TFDP2: variants seen among roughly 807,000 people sequenced by gnomAD.
TFDP2 encodes the protein transcription factor Dp-2 (E2F dimerization partner 2).
TFDP2 carries 17 observed loss-of-function variants against 59.3 expected under a neutral mutation model. The observed-to-expected ratio is 0.29, with a 90% confidence interval of 0.20 to 0.43. The LOEUF (loss-of-function observed/expected upper bound fraction) is 0.43. TFDP2 is among the 20% of genes least tolerant of loss of function. The pLI, the probability that TFDP2 is intolerant of heterozygous loss-of-function variation, is 1.00. For synonymous variants in TFDP2, 180 were observed against 194.7 expected, an observed-to-expected ratio of 0.92 and a Z score of 0.63; for missense variants, 391 against 528.8, an observed-to-expected ratio of 0.74 and a Z score of 2.56.
intron 9 of TFDP2, among the ~76,000 whole-genome samples, chr3:141,968,424 T>TATATATAA (rs1559937363): frequency 0.087 from 7,384 of 84,708 alleles, 784 homozygotes; most frequent in East Asian, 0.13. Flanking sequence ...CATATATATC[T>TATATATAA]CATATATAGA....
intron 3 of TFDP2, among the ~76,000 whole-genome samples, chr3:142,013,148 A>G (rs534540433): frequency 3.2e-4 from 48 of 152,288 alleles, no homozygotes; most frequent in African/African-American, 1.2e-3. Flanking sequence ...AAAAATAAAT[A>G]AATAAATAAA....
chr3:141,967,644 A>G (rs1035602757), intron 9 of TFDP2, among the ~76,000 whole-genome samples: 3 of 152,102 alleles, frequency 2.0e-5, no homozygotes, highest in African/African-American at 7.2e-5. Flanking sequence ...GATTTCAGTT[A>G]TACTTTGGGT....
intron 1 of TFDP2, among the ~76,000 whole-genome samples, chr3:142,138,730 G>C (rs137999905): frequency 0.083 from 12,657 of 152,288 alleles, 657 homozygotes; most frequent in Middle Eastern, 0.14. Context: ...TGTGGTCTGA[G>C]AGACAATTTG....
intron 3 of TFDP2, among the ~76,000 whole-genome samples, chr3:142,071,788 T>C (rs2060257756): frequency 6.6e-6 from 1 of 152,084 alleles, no homozygotes; most frequent in Non-Finnish European, 1.5e-5. Context: ...CTGGCTGGGA[T>C]AAAGGGCAGG....
At chr3:142,115,593 CAGGCGTG>C in intron 1 of TFDP2, among the ~76,000 whole-genome samples, 1 of 152,212 alleles carries the variant, frequency 6.6e-6, no homozygotes, top group South Asian at 2.1e-4. Flanking sequence ...ACTGGGATTA[CAGGCGTG>C]AGCCACCGCG....
At chr3:141,984,173 T>C (rs12488739) in intron 6 of TFDP2, among the ~76,000 whole-genome samples, 11,329 of 152,266 alleles carry the variant, frequency 0.074, 526 homozygotes, top group Non-Finnish European at 0.11. Context: ...ACAGATGAAC[T>C]GTGAAGACAT....
At chr3:141,963,159 C>T (rs1937545784) in intron 10 of TFDP2, among the ~76,000 whole-genome samples, 2 of 152,124 alleles carry the variant, frequency 1.3e-5, no homozygotes, top group Non-Finnish European at 2.9e-5. Context: ...GTACTGGTCA[C>T]AGCCTGAAGA....
At chr3:141,957,553 G>A (rs1024563858) in intron 11 of TFDP2, among the ~76,000 whole-genome samples, 3 of 151,998 alleles carry the variant, frequency 2.0e-5, no homozygotes, top group Middle Eastern at 3.2e-3. Flanking sequence ...GCCAAAAAGT[G>A]GAAACAGTCC....
At chr3:141,953,648 A>T (rs1433312163) in intron 11 of TFDP2, among the ~76,000 whole-genome samples, 2 of 151,674 alleles carry the variant, frequency 1.3e-5, no homozygotes, top group Non-Finnish European at 2.9e-5. Context: ...TATTATTATT[A>T]TACTTTAAGT....
intron 3 of TFDP2, among the ~76,000 whole-genome samples, chr3:142,092,578 C>T (rs1330751593): frequency 6.6e-6 from 1 of 152,138 alleles, no homozygotes; most frequent in East Asian, 1.9e-4. Flanking sequence ...CTCGGCCTCC[C>T]AAAGTGCTGG....
intron 3 of TFDP2, among the ~76,000 whole-genome samples, chr3:142,009,330 G>A (rs1268881282): frequency 6.6e-6 from 1 of 152,062 alleles, no homozygotes; most frequent in Non-Finnish European, 1.5e-5. Context: ...TAAACAGCAG[G>A]TCCTTTGTTT....
At chr3:142,008,992 G>A (rs914635968) in intron 3 of TFDP2, among the ~76,000 whole-genome samples, 2 of 152,156 alleles carry the variant, frequency 1.3e-5, no homozygotes, top group African/African-American at 4.8e-5. Flanking sequence ...CAAAGCCTCT[G>A]CTCTATGCAT....
chr3:141,975,769 T>C (rs372198700), intron 7 of TFDP2, among the ~76,000 whole-genome samples: 95 of 151,256 alleles, frequency 6.3e-4, no homozygotes, highest in African/African-American at 2.2e-3. Flanking sequence ...GAGGAGGCAA[T>C]GTGATAGGTA....
rs375449743 is a variant in TFDP2 at position 142,110,376 on chromosome 3, C to T, written c.-92-8535G>A. Among the ~76,000 whole-genome samples, 29 of 151,796 alleles carry T rather than the reference C, an allele frequency of 1.9e-4. No individual in the cohort carries two copies. In the East Asian group the frequency reaches 4.3e-3, roughly 22 times the overall value. On this transcript the variant is annotated intron_variant, in intron 1 of 12. Coordinates refer to ENST00000489671, the MANE Select transcript of TFDP2 (RefSeq NM_001178139.2). The stretch of plus-strand genomic sequence containing the variant: ...AAAATTAGCCGGGCGTGGCGGCAAG[C>T]GCCTATAATCCCAGCTACTTGGGAG...
chr3:142,117,955 G>A (rs2061900634), intron 1 of TFDP2, among the ~76,000 whole-genome samples: 1 of 151,956 alleles, frequency 6.6e-6, no homozygotes, highest in South Asian at 2.1e-4. Flanking sequence ...GAAATTAGCC[G>A]GGTGTGGTGG....
rs11569196 is a variant in TFDP2, at chr3:141,995,755, C to T, written c.187-614G>A. 4.2e-3 allele frequency among the ~76,000 whole-genome samples: 633 copies of T among 151,800 alleles called. 7 individuals are homozygous for T. Among genetic ancestry groups the T allele is most frequent in the African/African-American group, 0.014 (594 of 41,404 alleles). On this transcript the variant is annotated intron_variant, in intron 4 of 12. Coordinates refer to ENST00000489671, the MANE Select transcript of TFDP2 (RefSeq NM_001178139.2). ...AAAATTAGCCAGGTATGGTGCTGTG[C>T]GCCTGTAATCCCAGCTACATGGGAG...
Position 142,105,710 on chromosome 3 carries a change from A to C in TFDP2, c.-92-3869T>G, listed in dbSNP as rs555225604. Among the ~76,000 whole-genome samples the C allele has an allele frequency of 2.4e-4, 36 of 152,318 alleles. No homozygotes were observed. The South Asian group carries it at 7.2e-3, about 31-fold the overall frequency. On this transcript the variant is annotated intron_variant, in intron 1 of 12. Transcript: ENST00000489671. The stretch of plus-strand genomic sequence containing the variant: ...TAATGAGCTTCACAGAACAAAGTAC[A>C]ATTTTGTTTGGTATTCCTTTGACTC...
chr3:142,075,982 G>A (rs190057836), intron 3 of TFDP2, among the ~76,000 whole-genome samples: 161 of 151,030 alleles, frequency 1.1e-3, no homozygotes, highest in African/African-American at 3.5e-3. Context: ...AGGCTGAGGC[G>A]GGCGGATCAC....
chr3:142,004,408 T>G (rs1296044300), intron 4 of TFDP2, among the ~76,000 whole-genome samples: 1 of 152,230 alleles, frequency 6.6e-6, no homozygotes, highest in East Asian at 1.9e-4. Context: ...AAATTTATCC[T>G]TATTGCTCTA....
Sources: allele counts gnomAD v4.1 joint callset (sites outside exome capture counted in the v4.1 genomes callset), GRCh38; gene constraint gnomAD v4.1.1; transcripts MANE v1.5; gene names NCBI Gene and HGNC (gene_info 2026-07-23, HGNC 2026-07-21).